Variants in STEAP3 observed in about 807,000 individuals in gnomAD.
STEAP3 encodes metalloreductase STEAP3.
STEAP3 carries 35 observed loss-of-function variants against 34.9 expected under a neutral mutation model. The ratio of observed to expected loss-of-function variants is 1.00; its 90% CI spans 0.76 to 1.33. The LOEUF is 1.33. Ranked by LOEUF, STEAP3 falls within the 40% of genes most tolerant of loss-of-function variation. The probability of loss-of-function intolerance (pLI) is 0.00; values close to 1 mark genes in which losing one functional copy is unlikely to be tolerated. For synonymous variants in STEAP3, 281 were observed against 301.6 expected (o/e 0.93, Z 0.71); for missense variants, 652 against 667.6 (o/e 0.98, Z 0.26).
At chr2:119,238,920 G>A (rs556466203) in intron 2 of STEAP3, among the ~76,000 whole-genome samples, 2 of 152,154 alleles carry the variant, frequency 1.3e-5, no homozygotes, top group African/African-American at 4.8e-5. Context: ...GGGGTTCTGG[G>A]TGCATGTGGA....
chr2:119,231,713 C>T (rs953288072), intron 2 of STEAP3, among the ~76,000 whole-genome samples: 1 of 151,968 alleles, frequency 6.6e-6, no homozygotes, highest in African/African-American at 2.4e-5. Context: ...CTCAGCCTTC[C>T]TTTTAAAAAG....
At chr2:119,233,487 G>C (rs1354836743) in intron 2 of STEAP3, among the ~76,000 whole-genome samples, 1 of 152,162 alleles carries the variant, frequency 6.6e-6, no homozygotes, top group Non-Finnish European at 1.5e-5. Context: ...GAGTACAAGA[G>C]AGCCCCAGCT....
intron 2 of STEAP3, among the ~76,000 whole-genome samples, chr2:119,243,800 G>T (rs912210047): frequency 6.6e-6 from 1 of 152,234 alleles, no homozygotes. Flanking sequence ...CTTCATAGCA[G>T]AGCCGGGCCC....
chr2:119,223,875 G>GCC lies in STEAP3; in HGVS notation c.-407_-406insCC. ...TTCAGCTGCCGCGGTCGCTCCGAGC[G>GCC]GCGGGCCGCAGAGGTGAGTGTACCC... On this transcript the variant is annotated 5_prime_UTR_variant, in exon 1 of 6. Transcript: ENST00000393110. 6.6e-6 allele frequency: 1 copy of GCC among 152,328 alleles called. No homozygotes were observed. Among genetic ancestry groups the GCC allele is most frequent in the South Asian group, 2.1e-4 (1 of 4,832 alleles). The allele number at this position is 152,328 out of a possible 1,614,324, so 9.4% of individuals were successfully genotyped here.
At chr2:119,244,221 TTATTATTA>T (rs1677336958) in intron 2 of STEAP3, among the ~76,000 whole-genome samples, 1 of 214 alleles carries the variant, frequency 4.7e-3, no homozygotes, top group African/African-American at 9.4e-3. Context: ...TTTACTTTTA[TTATTATTA>T]TTATTATTAT....
At chr2:119,227,339 G>T (rs1679071846) in intron 1 of STEAP3, among the ~76,000 whole-genome samples, 1 of 152,220 alleles carries the variant, frequency 6.6e-6, no homozygotes, top group South Asian at 2.1e-4. Context: ...GGGGCAGAGT[G>T]TGTTCCTCTT....
At chr2:119,250,294 G>A (rs1470929126) in intron 4 of STEAP3, among the ~76,000 whole-genome samples, 1 of 152,384 alleles carries the variant, frequency 6.6e-6, no homozygotes, top group East Asian at 1.9e-4. Context: ...CTCAGCTGGT[G>A]TGGGGCGGTG....
At chr2:119,242,338 G>T (rs1426897069) in intron 2 of STEAP3, among the ~76,000 whole-genome samples, 1 of 152,224 alleles carries the variant, frequency 6.6e-6, no homozygotes, top group East Asian at 1.9e-4. Context: ...TCTCCCTGTG[G>T]TTGGGGACAG....
At chr2:119,261,744 C>T (rs1558760177) in intron 5 of STEAP3, among the ~76,000 whole-genome samples, 1 of 152,228 alleles carries the variant, frequency 6.6e-6, no homozygotes, top group Non-Finnish European at 1.5e-5. Context: ...CACGAGAACT[C>T]GTACATGCCA....
chr2:119,246,818 C>G (rs952844613), intron 3 of STEAP3: 2 of 152,264 alleles, frequency 1.3e-5, no homozygotes, highest in African/African-American at 4.8e-5. Flanking sequence ...GGGCTTTGAC[C>G]TGGGCCCACC....
At position 119,254,756 on chromosome 2, in the gene STEAP3, G is replaced by T. The variant is rs1224749109; in HGVS notation, c.1123G>T (p.Val375Leu). The T allele has an allele frequency of 6.2e-7, 1 of 1,614,172 alleles. No homozygotes were observed. The highest frequency in any genetic ancestry group is 8.5e-7 in the Non-Finnish European group (1 of 1,180,034). ...GATGGAGATCTACCTCTCCCTGGGA[G>T]TGCTGGCCCTCGGCACGTTGTCCCT... ...WRMEIYLSLG[V>L]LALGTLSLLA... The change falls in exon 5 of 6, where the codon GTG becomes TTG. Residue 375 changes from valine to leucine, a missense_variant. Physicochemically the swap from Val to Leu is conservative, Grantham distance 32. Transcript: ENST00000393110.
intron 1 of STEAP3, among the ~76,000 whole-genome samples, chr2:119,229,729 G>T (rs1298101652): frequency 6.6e-6 from 1 of 152,064 alleles, no homozygotes; most frequent in African/African-American, 2.4e-5. Context: ...GCCTTGGGCT[G>T]GATCTTTAAG....
At position 119,264,017 on chromosome 2, in the gene STEAP3, A is replaced by G. The variant is rs1678032176; in HGVS notation, c.*679A>G. The G allele has an allele frequency of 6.4e-6, 1 of 155,440 alleles. No homozygotes were observed. Among genetic ancestry groups the G allele is most frequent in the Non-Finnish European group, 1.4e-5 (1 of 69,994 alleles). 9.6% of individuals were successfully genotyped at this position (155,440 alleles called of 1,614,324 possible). On this transcript the variant is annotated 3_prime_UTR_variant, in exon 6 of 6. Transcript: ENST00000393110. ...CTCATCCTTGCTGAGTGGGGGAGAC[A>G]TTTTCCCTGAAAGTCAGAAGTCACC...
At chr2:119,236,425 C>T (rs1350616369) in intron 2 of STEAP3, among the ~76,000 whole-genome samples, 4 of 152,162 alleles carry the variant, frequency 2.6e-5, no homozygotes, top group Non-Finnish European at 5.9e-5. Flanking sequence ...CTGCTGGGCC[C>T]TTGCTGGCTG....
Position 119,257,632 on chromosome 2 carries a change from G to C in STEAP3, c.1215+2784G>C, listed in dbSNP as rs886954885. On this transcript the variant is annotated intron_variant, in intron 5 of 5. Coordinates refer to ENST00000393110, the MANE Select transcript of STEAP3 (RefSeq NM_182915.3). The stretch of plus-strand genomic sequence containing the variant: ...CCATATGGTCATCAAGAGGATTTGA[G>C]CTGGACACGTTAAATGCAGGATGCG... 1.1e-5 allele frequency: 16 copies of C among 1,486,430 alleles called. No homozygotes were observed. In the African/African-American group the frequency reaches 2.0e-4, roughly 19 times the overall value. 92.1% of individuals were successfully genotyped at this position (1,486,430 alleles called of 1,614,324 possible). A position where few individuals can be genotyped will look rare whatever the true frequency, so the allele number is the denominator to read the frequency against.
In STEAP3 at chr2:119,264,814, GCC is replaced by G. The variant is rs1198538837; in HGVS notation, c.*1477_*1478del. 2.5e-5 allele frequency: 2 copies of G among 80,696 alleles called. No individual in the cohort carries two copies. The highest frequency in any genetic ancestry group is 3.7e-5 in the African/African-American group (1 of 27,074). The allele number at this position is 80,696 out of a possible 1,614,324, so 5.0% of individuals were successfully genotyped here. On this transcript the variant is annotated 3_prime_UTR_variant, in exon 6 of 6. Transcript: ENST00000393110. ...ATGAGGCTGCCCCTGCCCCCCCCCCGCCAGGGAGGTTTCATGAGCTCATGTCT... is the reference window on the plus strand; with the variant it reads ...ATGAGGCTGCCCCTGCCCCCCCCCCGAGGGAGGTTTCATGAGCTCATGTCT...
chr2:119,240,027 A>C (rs1234487321), intron 2 of STEAP3, among the ~76,000 whole-genome samples: 1 of 152,190 alleles, frequency 6.6e-6, no homozygotes, highest in Non-Finnish European at 1.5e-5. Context: ...AGACAAAAAA[A>C]ATTTTTTTTA....
intron 5 of STEAP3, among the ~76,000 whole-genome samples, chr2:119,262,604 C>T (rs1353439779): frequency 1.3e-5 from 2 of 152,162 alleles, no homozygotes; most frequent in Non-Finnish European, 2.9e-5. Flanking sequence ...TCTTGAACCC[C>T]TGGGCTCAAG....
At chr2:119,232,338 T>C (rs1341797284) in intron 2 of STEAP3, among the ~76,000 whole-genome samples, 3 of 152,194 alleles carry the variant, frequency 2.0e-5, no homozygotes, top group East Asian at 1.9e-4. Context: ...TTTTCTCTTC[T>C]GCAAAGTAGA....
Sources: allele counts gnomAD v4.1 joint callset (sites outside exome capture counted in the v4.1 genomes callset), GRCh38; gene constraint gnomAD v4.1.1; transcripts MANE v1.5; gene names NCBI Gene and HGNC (gene_info 2026-07-23, HGNC 2026-07-21).